Variants in UNC5D observed in about 807,000 individuals in gnomAD.
The protein encoded by UNC5D is unc-5 netrin receptor D.
In UNC5D, 39 loss-of-function variants were observed where a neutral mutation model predicts 105.4. The observed-to-expected ratio is 0.37, with a 90% CI of 0.29 to 0.48. The LOEUF (loss-of-function observed/expected upper bound fraction) is 0.48, where lower values mean the gene tolerates loss of function less well. Among genes scored for constraint, UNC5D ranks in the 20% least tolerant of loss-of-function variants. The pLI is 0.98. For missense variants in UNC5D, 991 were observed against 1,202.4 expected (o/e 0.82, Z 2.60); for synonymous variants, 452 against 450.4 (o/e 1.00, Z -0.04).
intron 4 of UNC5D, among the ~76,000 whole-genome samples, chr8:35,600,804 T>C (rs1382842862): frequency 6.6e-6 from 1 of 152,210 alleles, no homozygotes; most frequent in Non-Finnish European, 1.5e-5. Flanking sequence ...TTTAGTTTAA[T>C]TAGATCCCAT....
In UNC5D at chr8:35,474,413, A is replaced by G. The variant is rs148867420; in HGVS notation, c.104-74879A>G. On this transcript the variant is annotated intron_variant, in intron 1 of 16. Coordinates refer to ENST00000404895, the MANE Select transcript of UNC5D (RefSeq NM_080872.4). ...GATAATACTTTCTACCACCCAAAAT[A>G]GAGATAGCGACTGTTGAGAGGTGGA... Among the ~76,000 whole-genome samples the G allele has an allele frequency of 1.3e-5, 2 of 152,366 alleles. 1 individual carries two copies. Among genetic ancestry groups the G allele is most frequent in the Middle Eastern group, 6.8e-3 (2 of 294 alleles).
At chr8:35,675,754 C>T (rs894587568) in intron 4 of UNC5D, among the ~76,000 whole-genome samples, 3 of 151,870 alleles carry the variant, frequency 2.0e-5, no homozygotes, top group South Asian at 2.1e-4. Context: ...TCTTTCTAGA[C>T]TAGTCTTTGG....
chr8:35,516,346 T>G (rs1410183866), intron 1 of UNC5D, among the ~76,000 whole-genome samples: 1 of 152,220 alleles, frequency 6.6e-6, no homozygotes, highest in Middle Eastern at 3.2e-3. Flanking sequence ...TGCTCCAAAC[T>G]GAATTGCCTG....
chr8:35,687,207 G>C (rs1219949714), intron 7 of UNC5D, among the ~76,000 whole-genome samples: 1 of 152,156 alleles, frequency 6.6e-6, no homozygotes, highest in Non-Finnish European at 1.5e-5. Flanking sequence ...ACTTTGGGAG[G>C]CCAAGGCAGG....
At chr8:35,330,344 T>C (rs1213129829) in intron 1 of UNC5D, among the ~76,000 whole-genome samples, 1 of 152,248 alleles carries the variant, frequency 6.6e-6, no homozygotes, top group African/African-American at 2.4e-5. Flanking sequence ...TAGCTCTTGC[T>C]ACCTTTTGTT....
intron 1 of UNC5D, among the ~76,000 whole-genome samples, chr8:35,340,151 C>T (rs1464775630): frequency 5.3e-5 from 8 of 152,116 alleles, no homozygotes; most frequent in Admixed American, 3.9e-4. Context: ...TGTTACAGGA[C>T]CAGATGATGG....
At chr8:35,237,335 A>G (rs1428193859) in intron 1 of UNC5D, among the ~76,000 whole-genome samples, 4 of 151,904 alleles carry the variant, frequency 2.6e-5, no homozygotes, top group Non-Finnish European at 4.4e-5. Context: ...CATTTAATTT[A>G]CTACGTACGG....
intron 15 of UNC5D, among the ~76,000 whole-genome samples, chr8:35,771,542 A>T (rs1802013255): frequency 6.6e-6 from 1 of 152,236 alleles, no homozygotes; most frequent in African/African-American, 2.4e-5. Flanking sequence ...CATGATAAAA[A>T]TGATGTATCT....
chr8:35,734,317 A>G (rs1039847093), intron 11 of UNC5D, among the ~76,000 whole-genome samples: 1 of 138,024 alleles, frequency 7.2e-6, no homozygotes, highest in Non-Finnish European at 1.5e-5. Context: ...AGGGGAGGAA[A>G]CCAGCAGTAA....
chr8:35,394,586 T>C (rs1228394499), intron 1 of UNC5D, among the ~76,000 whole-genome samples: 1 of 151,798 alleles, frequency 6.6e-6, no homozygotes, highest in African/African-American at 2.4e-5. Flanking sequence ...TTTATTTTCA[T>C]TTTGTAAAAA....
chr8:35,287,933 T>C (rs933892290), intron 1 of UNC5D, among the ~76,000 whole-genome samples: 2 of 151,998 alleles, frequency 1.3e-5, no homozygotes, highest in African/African-American at 4.8e-5. Context: ...AAATCAACAA[T>C]ATAAAAGAGT....
chr8:35,292,454 G>T (rs1162681367), intron 1 of UNC5D, among the ~76,000 whole-genome samples: 1 of 152,060 alleles, frequency 6.6e-6, no homozygotes, highest in Non-Finnish European at 1.5e-5. Context: ...TCTAATTATT[G>T]TAGCATTGCA....
chr8:35,560,899 A>G (rs531750746), intron 2 of UNC5D, among the ~76,000 whole-genome samples: 28 of 152,320 alleles, frequency 1.8e-4, no homozygotes, highest in Admixed American at 1.6e-3. Flanking sequence ...TTTCCTCCCA[A>G]CTGTGGTTAG....
chr8:35,702,313 A>T (rs1330940695), intron 7 of UNC5D, among the ~76,000 whole-genome samples: 1 of 152,108 alleles, frequency 6.6e-6, no homozygotes, highest in Non-Finnish European at 1.5e-5. Context: ...GACCACACAG[A>T]TCCCAGATAT....
intron 7 of UNC5D, among the ~76,000 whole-genome samples, chr8:35,689,999 T>C (rs1473231339): frequency 1.3e-5 from 2 of 152,202 alleles, no homozygotes; most frequent in Non-Finnish European, 2.9e-5. Flanking sequence ...GCTTGGAATG[T>C]GTAAAAAGAT....
At chr8:35,387,362 C>A (rs1038614098) in intron 1 of UNC5D, among the ~76,000 whole-genome samples, 32 of 114,094 alleles carry the variant, frequency 2.8e-4, no homozygotes, top group South Asian at 5.9e-4. Context: ...GACTCCATCT[C>A]AAAAAAAAAA....
chr8:35,726,815 C>T, intron 10 of UNC5D: 3 of 413,224 alleles, frequency 7.3e-6, no homozygotes, highest in Non-Finnish European at 1.3e-5. Flanking sequence ...GGCTTTAAGC[C>T]CCTTTGGAGT....
intron 1 of UNC5D, among the ~76,000 whole-genome samples, chr8:35,290,192 G>A (rs1479190340): frequency 1.3e-5 from 2 of 152,006 alleles, no homozygotes; most frequent in Middle Eastern, 3.2e-3. Flanking sequence ...AATCAATGTC[G>A]AAGGGATGTT....
chr8:35,609,036 A>G (rs1820508672), intron 4 of UNC5D, among the ~76,000 whole-genome samples: 1 of 152,198 alleles, frequency 6.6e-6, no homozygotes, highest in Non-Finnish European at 1.5e-5. Context: ...ACTGTATAAA[A>G]GTTGCCTTTT....
Sources: gnomAD v4.1 joint callset for allele counts (sites outside exome capture counted in the v4.1 genomes callset) on GRCh38, gnomAD v4.1.1 for gene constraint, MANE v1.5 for transcripts, NCBI Gene and HGNC (gene_info 2026-07-23, HGNC 2026-07-21) for gene names.